IGFN1: variants seen among roughly 807,000 people sequenced by gnomAD.
IGFN1 encodes the protein immunoglobulin-like and fibronectin type III domain-containing protein 1.
Under a neutral mutation model 289.5 loss-of-function variants are expected in IGFN1, and 253 were observed. The ratio of observed to expected loss-of-function variants is 0.87; its 90% CI spans 0.79 to 0.97. The LOEUF is 0.97. Ranked by LOEUF, IGFN1 falls within the 50% of genes least tolerant of loss-of-function variation. The pLI, the probability that IGFN1 is intolerant of heterozygous loss-of-function variation, is 0.00. For synonymous variants in IGFN1, 1,706 were observed against 1,788.5 expected (o/e 0.95, Z 1.16); for missense variants, 4,470 against 4,686.1 (o/e 0.95, Z 1.35).
In IGFN1 at chr1:201,207,818, T is replaced by G; in HGVS notation, c.2925T>G (p.Tyr975Ter). 1 of 1,535,990 alleles carries G rather than the reference T, an allele frequency of 6.5e-7. No homozygotes were observed. Among genetic ancestry groups the G allele is most frequent in the Middle Eastern group, 1.7e-4 (1 of 5,988 alleles). Residue 975 changes from tyrosine (Y) to a stop codon, truncating the protein, a stop_gained, in exon 12 of 24, where the codon TAT (tyrosine) becomes TAG (stop). Coordinates refer to ENST00000335211, the MANE Select transcript of IGFN1 (RefSeq NM_001164586.2). LOFTEE classifies it high-confidence loss of function. ...ISSKSGAGYS[Y>*]GSGVPGEMGS... ...CTAAAAGCGGGGCTGGTTATAGCTA[T>G]GGCTCAGGGGTTCCAGGAGAAATGG... is the stretch of plus-strand genomic sequence containing the variant.
Position 201,224,722 on chromosome 1 carries a change from C to T in IGFN1, c.10334C>T (p.Pro3445Leu). 3 of 1,614,178 alleles carry T rather than the reference C, an allele frequency of 1.9e-6. No homozygotes were observed. Among genetic ancestry groups the T allele is most frequent in the South Asian group, 2.2e-5 (2 of 91,072 alleles). ...GTGACCTGGCTGAAGGATGGCTTGC[C>T]CTTGCCCAAAAGAAGTGTGACTGTC... ...PEVTWLKDGL[P>L]LPKRSVTVTK... The change falls in exon 21 of 24, where the codon CCC becomes CTC. Residue 3445 changes from proline (P) to leucine (L), a missense_variant. By Grantham distance (98) the Pro-to-Leu change is moderately conservative. Coordinates refer to ENST00000335211, the MANE Select transcript of IGFN1 (RefSeq NM_001164586.2).
intron 3 of IGFN1, among the ~76,000 whole-genome samples, chr1:201,195,215 A>G (rs144577833): frequency 0.018 from 2,742 of 151,632 alleles, 104 homozygotes; most frequent in African/African-American, 0.063. Context: ...GCAGTGGCGC[A>G]ATCTCTGATC....
Position 201,203,792 on chromosome 1 carries a change from C to A in IGFN1, c.802C>A (p.Arg268=). The A allele has an allele frequency of 6.4e-7, 1 of 1,551,694 alleles. No individual in the cohort carries two copies. Among genetic ancestry groups the A allele is most frequent in the Non-Finnish European group, 8.7e-7 (1 of 1,147,016 alleles). ...CAACCAAACCAAGCACTGTCTGCGC[C>A]GGCTGGGGAAGCGCTATGAGTTCCA... ...FNNQTKHCLR[R]LGKRYEFQIQ... Residue 268 remains arginine, a synonymous_variant, in exon 10 of 24, where the codon CGG becomes AGG. Transcript: ENST00000335211.
intron 5 of IGFN1, 150 bp from the exon 6 acceptor site, chr1:201,199,184 C>T: frequency 1.4e-6 from 1 of 701,442 alleles, no homozygotes; most frequent in Non-Finnish European, 2.6e-6. Context: ...CTGCTCCATC[C>T]CTCTTGCTGG....
In IGFN1 at chr1:201,206,227, T is replaced by G. The variant is rs969783599; in HGVS notation, c.1334T>G (p.Leu445Arg). The change falls in exon 12 of 24, where the codon CTT (leucine) becomes CGT (arginine). Residue 445 changes from leucine (L) to arginine (R), a missense_variant. Around this residue, in one of 8 missense-constraint regions of IGFN1, gnomAD observed 2,011 missense variants for 1,953.4 expected, o/e 1.03. Transcript: ENST00000335211. ...GAGCAGGGCCCCAGGGGGGGCTCCC[T>G]TGAAGGGGCTGGGCCGGCTTCTGGG... ...SREQGPRGGS[L>R]EGAGPASGLQ... The G allele has an allele frequency of 1.9e-6, 3 of 1,547,940 alleles. No homozygotes were observed. Among genetic ancestry groups the G allele is most frequent in the Non-Finnish European group, 2.6e-6 (3 of 1,146,022 alleles).
rs778521849 is a variant in IGFN1, at chr1:201,208,159, G to A, written c.3266G>A (p.Gly1089Asp). Reference protein sequence around the residue: ...SPGVTGSAGRGGLKAPGVVET... With the variant: ...SPGVTGSAGRDGLKAPGVVET... ...GGGGTGACAGGGTCTGCGGGTAGAG[G>A]TGGTCTCAAGGCCCCTGGAGTAGTG... The change falls in exon 12 of 24, where the codon GGT becomes GAT. Residue 1089 changes from glycine to aspartate, a missense_variant. Coordinates refer to ENST00000335211, the MANE Select transcript of IGFN1 (RefSeq NM_001164586.2). The A allele has an allele frequency of 1.3e-6, 2 of 1,537,026 alleles. No individual in the cohort carries two copies. Among genetic ancestry groups the A allele is most frequent in the South Asian group, 2.4e-5 (2 of 84,060 alleles).
At position 201,194,206 on chromosome 1, in the gene IGFN1, G is replaced by A. The variant is rs1319150443; in HGVS notation, c.60G>A (p.Glu20=). Residue 20 remains glutamate (E), a synonymous_variant, in exon 3 of 24, where the codon GAG becomes GAA. Coordinates refer to ENST00000335211, the MANE Select transcript of IGFN1 (RefSeq NM_001164586.2). ...IPGVSIWQLV[E]EIPEGCSTPD... is the part of the protein sequence containing the mutation. Reference sequence around the variant, plus strand: ...GAGTGAGCATCTGGCAGCTGGTGGAGGAGATCCCTGAAGGCTGCAGCACGC... The same window carrying A: ...GAGTGAGCATCTGGCAGCTGGTGGAAGAGATCCCTGAAGGCTGCAGCACGC... The A allele has an allele frequency of 6.4e-7, 1 of 1,551,558 alleles. No individual in the cohort carries two copies. The highest frequency in any genetic ancestry group is 8.7e-7 in the Non-Finnish European group (1 of 1,146,988).
At chr1:201,193,149 G>T in intron 1 of IGFN1, 98 bp from the exon 2 acceptor site, 2 of 633,994 alleles carry the variant, frequency 3.2e-6, no homozygotes, top group Non-Finnish European at 5.7e-6. Context: ...GCTTTTTCCA[G>T]CTCCCACCCC....
rs1419469152 is a variant in IGFN1, at chr1:201,212,102, G to A, written c.7209G>A (p.Lys2403=). The part of the protein sequence containing the change: ...WVASEGDTNS[K]DGPERARETR... ...CATCAGAGGGTGACACGAACTCCAA[G>A]GATGGTCCAGAGCGAGCCAGGGAAA... The change falls in exon 12 of 24, where the codon AAG becomes AAA. Residue 2403 remains lysine, a synonymous_variant. Transcript: ENST00000335211. 6.5e-7 allele frequency: 1 copy of A among 1,536,488 alleles called. No individual in the cohort carries two copies. Among genetic ancestry groups the A allele is most frequent in the South Asian group, 1.2e-5 (1 of 84,060 alleles).
chr1:201,197,351 A>T, intron 5 of IGFN1, 34 bp downstream of exon 5: 2 of 1,367,374 alleles, frequency 1.5e-6, no homozygotes, highest in African/African-American at 1.4e-5. Context: ...TCATCAGTGC[A>T]CAGGGCAGAG....
chr1:201,201,575 C>G, intron 8 of IGFN1, 144 bp from the exon 9 acceptor site: 1 of 569,240 alleles, frequency 1.8e-6, no homozygotes, highest in Non-Finnish European at 3.2e-6. Context: ...GAGGGGCTTA[C>G]TTTCCCCCAC....
At chr1:201,201,097 C>T (rs554160441) in intron 8 of IGFN1, among the ~76,000 whole-genome samples, 121 of 152,264 alleles carry the variant, frequency 7.9e-4, no homozygotes, top group Non-Finnish European at 1.3e-3. Context: ...TCCCAAAGTG[C>T]TGGGATTACA....
chr1:201,218,070 C>T (rs1437899024), intron 17 of IGFN1, among the ~76,000 whole-genome samples: 1 of 152,160 alleles, frequency 6.6e-6, no homozygotes, highest in African/African-American at 2.4e-5. Flanking sequence ...TGCGGAAGTC[C>T]AGGTTTGAGG....
chr1:201,206,878 G>A lies in IGFN1; in HGVS notation c.1985G>A (p.Gly662Glu). The change falls in exon 12 of 24, where the codon GGA (glycine) becomes GAA (glutamate). Residue 662 changes from glycine to glutamate, a missense_variant. By Grantham distance (98) the Gly-to-Glu change is moderately conservative. This residue lies in a region of IGFN1 where 2,011 missense variants were observed against 1,953.4 expected (regional missense o/e 1.03). Transcript: ENST00000335211. ...IVVWGGGTGLGEAGDSNGAGG... is the reference protein window; with the variant it reads ...IVVWGGGTGLEEAGDSNGAGG... ...GTGTGGGGTGGTGGGACTGGCCTGG[G>A]AGAAGCTGGAGACAGCAATGGGGCA... 6.5e-7 allele frequency: 1 copy of A among 1,536,364 alleles called. No individual in the cohort carries two copies. Among genetic ancestry groups the A allele is most frequent in the Non-Finnish European group, 8.7e-7 (1 of 1,146,494 alleles).
At chr1:201,201,865 C>G in intron 9 of IGFN1, 33 bp downstream of exon 9, 1 of 886,190 alleles carries the variant, frequency 1.1e-6, no homozygotes, top group East Asian at 2.7e-5. Flanking sequence ...TGGGGGGGAT[C>G]TGGCAGGGAT....
chr1:201,203,634 C>A, intron 9 of IGFN1, 104 bp from the exon 10 acceptor site: 2 of 1,056,118 alleles, frequency 1.9e-6, no homozygotes, highest in Non-Finnish European at 2.7e-6. Flanking sequence ...TGTCTGGCGA[C>A]TGGGCCCGTG....
intron 4 of IGFN1, 22 bp downstream of exon 4, chr1:201,196,000 C>T (rs1342351692): frequency 1.3e-6 from 2 of 1,549,912 alleles, no homozygotes; most frequent in Non-Finnish European, 1.7e-6. Context: ...AGCTCTTCCC[C>T]TGACCAGGGT....
intron 13 of IGFN1, 130 bp downstream of exon 13, chr1:201,214,431 A>G: frequency 2.1e-6 from 2 of 964,836 alleles, no homozygotes; most frequent in Non-Finnish European, 3.0e-6. Context: ...CCACCTCAGG[A>G]GAAGTTTAAA....
Position 201,207,570 on chromosome 1 carries a change from G to T in IGFN1, c.2677G>T (p.Ala893Ser), listed in dbSNP as rs1172151819. The change falls in exon 12 of 24, where the codon GCT becomes TCT. Residue 893 changes from alanine (A) to serine (S), a missense_variant. This residue lies in a region of IGFN1 where 2,011 missense variants were observed against 1,953.4 expected (regional missense o/e 1.03). Transcript: ENST00000335211. ...VDARSHWLSR[A>S]PGLGAQGSGG... ...TGCCAGAAGCCACTGGCTAAGTAGG[G>T]CTCCAGGCCTGGGTGCTCAGGGATC... 2.6e-6 allele frequency: 4 copies of T among 1,536,884 alleles called. No individual in the cohort carries two copies. The African/African-American group carries it at 4.1e-5, about 16-fold the overall frequency.
Sources: gnomAD v4.1 joint callset for allele counts (sites outside exome capture counted in the v4.1 genomes callset) on GRCh38, gnomAD v4.1.1 for gene constraint, gnomAD v4.1.1 regional missense constraint, MANE v1.5 for transcripts, NCBI Gene and HGNC (gene_info 2026-07-23, HGNC 2026-07-21) for gene names.